The following LACTB2 variants were observed in gnomAD, a reference collection of about 807,000 sequenced individuals.
LACTB2 encodes lactamase beta 2.
LACTB2 carries 32 observed loss-of-function variants against 34.8 expected under a neutral mutation model. That is an observed-to-expected ratio of 0.92 (90% CI 0.69 to 1.24). The LOEUF (loss-of-function observed/expected upper bound fraction) is 1.24. LACTB2 is among the 50% of genes most tolerant of loss of function. The pLI is 0.00. For missense variants in LACTB2, 320 were observed against 345.0 expected (o/e 0.93, Z 0.57); for synonymous variants, 120 against 117.5 (o/e 1.02, Z -0.14).
At chr8:70,664,689 G>GA (rs1389615810) in intron 1 of LACTB2, among the ~76,000 whole-genome samples, 4 of 150,488 alleles carry the variant, frequency 2.7e-5, no homozygotes, top group South Asian at 2.1e-4. Context: ...AGCTTTGAGG[G>GA]AAAAAAAAAG....
chr8:70,669,007 G>A lies in LACTB2; in HGVS notation c.114C>T (p.Thr38=). 3 of 1,590,498 alleles carry A rather than the reference G, an allele frequency of 1.9e-6. No individual in the cohort carries two copies. Among genetic ancestry groups the A allele is most frequent in the South Asian group, 1.1e-5 (1 of 87,876 alleles). ...TGGAGAGGGACGTTTACCTGGGGCCGGTCCCCACTAGGTAGGTGTTGGTGC... is the reference window on the plus strand; with the variant it reads ...TGGAGAGGGACGTTTACCTGGGGCCAGTCCCCACTAGGTAGGTGTTGGTGC... The part of the protein sequence containing the change: ...LQGTNTYLVG[T]GPRRILIDTG... The change falls in exon 1 of 7, where the codon ACC becomes ACT. Residue 38 remains threonine (T), a synonymous_variant. Coordinates refer to ENST00000276590, the MANE Select transcript of LACTB2 (RefSeq NM_016027.3).
intron 3 of LACTB2, among the ~76,000 whole-genome samples, chr8:70,650,735 C>CAAAAAAAAAAAAAAAAAAAAAAAA (rs61025700): frequency 6.5e-5 from 3 of 46,206 alleles, no homozygotes; most frequent in African/African-American, 1.8e-4. Context: ...GACTCCATCT[C>CAAAAAAAAAAAAAAAAAAAAAAAA]AAAAAAAAAA....
chr8:70,637,769 T>C lies in LACTB2; in HGVS notation c.*91A>G. 1 of 695,290 alleles carries C rather than the reference T, an allele frequency of 1.4e-6. No homozygotes were observed. Among genetic ancestry groups the C allele is most frequent in the South Asian group, 2.7e-5 (1 of 37,096 alleles). 43.1% of individuals were successfully genotyped at this position (695,290 alleles called of 1,614,324 possible). A position where few individuals can be genotyped will look rare whatever the true frequency, so the allele number is the denominator to read the frequency against. On this transcript the variant is annotated 3_prime_UTR_variant, in exon 7 of 7. Transcript: ENST00000276590. ...ATCTAGGGTTATTTTTAATGTTTTA[T>C]ACTTTTATATTCTCTATAAAATAAC...
At chr8:70,644,041 TA>T in intron 4 of LACTB2, 23 bp downstream of exon 4, 1 of 1,480,034 alleles carries the variant, frequency 6.8e-7, no homozygotes, top group Non-Finnish European at 9.0e-7. Context: ...CATAAAAATA[TA>T]AAAAAATTTA....
intron 4 of LACTB2, among the ~76,000 whole-genome samples, chr8:70,643,273 G>GAGTACAA (rs539595633): frequency 2.9e-4 from 35 of 118,854 alleles, no homozygotes; most frequent in African/African-American, 1.0e-3. Flanking sequence ...GCCCAGGCTG[G>GAGTACAA]AGTACAATGG....
At chr8:70,664,358 T>C (rs956827733) in intron 1 of LACTB2, among the ~76,000 whole-genome samples, 15 of 152,306 alleles carry the variant, frequency 9.8e-5, no homozygotes, top group African/African-American at 3.4e-4. Context: ...TGATCAAAAG[T>C]CATGACAAAA....
chr8:70,652,032 T>G (rs1014257189), intron 3 of LACTB2: 5 of 152,236 alleles, frequency 3.3e-5, no homozygotes, highest in African/African-American at 1.2e-4. Flanking sequence ...CTTGCTAGTT[T>G]ACATCCAGAA....
In LACTB2 at chr8:70,645,104, A is replaced by G. The variant is rs10453106; in HGVS notation, c.414-861T>C. Among the ~76,000 whole-genome samples, 826 of 151,812 alleles carry G rather than the reference A, an allele frequency of 5.4e-3. 10 individuals are homozygous for G. Among genetic ancestry groups the G allele is most frequent in the African/African-American group, 0.019 (779 of 41,404 alleles). On this transcript the variant is annotated intron_variant, in intron 3 of 6. Transcript: ENST00000276590. Reference sequence around the variant, plus strand: ...TATACACATATATACATATATGTTTATTTATTTTTGAGATATATCAAGGTC... The same window carrying G: ...TATACACATATATACATATATGTTTGTTTATTTTTGAGATATATCAAGGTC...
chr8:70,639,684 C>T (rs373356014), intron 5 of LACTB2, among the ~76,000 whole-genome samples: 4 of 151,196 alleles, frequency 2.6e-5, no homozygotes, highest in Middle Eastern at 3.2e-3. Flanking sequence ...GTTTTTGGGC[C>T]GGGCGCAGTG....
chr8:70,660,042 T>C (rs1196528365), intron 2 of LACTB2: 1 of 152,268 alleles, frequency 6.6e-6, no homozygotes, highest in East Asian at 1.9e-4. Context: ...AACATTTTAA[T>C]TTTTCAAACT....
intron 2 of LACTB2, among the ~76,000 whole-genome samples, chr8:70,658,984 G>A (rs928899430): frequency 9.2e-5 from 14 of 151,802 alleles, no homozygotes; most frequent in Non-Finnish European, 1.9e-4. Context: ...CCAAGATCAC[G>A]CCATTGCATT....
At chr8:70,647,950 T>TA (rs33927946) in intron 3 of LACTB2, among the ~76,000 whole-genome samples, 124,192 of 151,732 alleles carry the variant, frequency 0.82, 51,177 homozygotes, top group Middle Eastern at 0.9. Flanking sequence ...GACAATATAC[T>TA]AAAAAAAAGT....
At chr8:70,650,088 T>A (rs1054364947) in intron 3 of LACTB2, among the ~76,000 whole-genome samples, 1 of 152,112 alleles carries the variant, frequency 6.6e-6, no homozygotes, top group Non-Finnish European at 1.5e-5. Flanking sequence ...CATCAAGGGA[T>A]CCTCCCACCT....
chr8:70,652,654 G>A (rs1818357041), intron 3 of LACTB2: 1 of 152,174 alleles, frequency 6.6e-6, no homozygotes, highest in Non-Finnish European at 1.5e-5. Context: ...CAAGCACAAG[G>A]GAGATTTCTG....
At chr8:70,663,113 T>C (rs1400070037) in intron 1 of LACTB2, 6 of 152,192 alleles carry the variant, frequency 3.9e-5, no homozygotes, top group Non-Finnish European at 5.9e-5. Flanking sequence ...TCAATAACTG[T>C]TTATGGATTA....
rs150435490 is a variant in LACTB2 at position 70,657,697 on chromosome 8, T to C, written c.413+59A>G. 2.2e-3 allele frequency: 3,159 copies of C among 1,463,664 alleles called. 6 individuals carry two copies. The highest frequency in any genetic ancestry group is 2.7e-3 in the Non-Finnish European group (2,942 of 1,098,464). The allele number at this position is 1,463,664 out of a possible 1,614,324, so 90.7% of individuals were successfully genotyped here. Reference sequence around the variant, plus strand: ...CAAAATGCTGGGATCCTTCCATCCTTTTCTATAACACACATACACAGACTC... The same window carrying C: ...CAAAATGCTGGGATCCTTCCATCCTCTTCTATAACACACATACACAGACTC... On this transcript the variant is annotated intron_variant, in intron 3 of 6. Coordinates refer to ENST00000276590, the MANE Select transcript of LACTB2 (RefSeq NM_016027.3).
intron 4 of LACTB2, among the ~76,000 whole-genome samples, chr8:70,643,121 T>C (rs769372808): frequency 6.6e-6 from 1 of 151,558 alleles, no homozygotes; most frequent in Non-Finnish European, 1.5e-5. Context: ...ATAACCCTCA[T>C]ATCTTTATCA....
rs771704805 is a variant in LACTB2 at position 70,644,079 on chromosome 8, T to C, written c.578A>G (p.Asp193Gly). 1.3e-6 allele frequency: 2 copies of C among 1,568,366 alleles called. No homozygotes were observed. The highest frequency in any genetic ancestry group is 1.9e-5 in the Admixed American group (1 of 52,842). The change falls in exon 4 of 7, where the codon GAT becomes GGT. Residue 193 changes from aspartate to glycine, a missense_variant. By Grantham distance (94) the Asp-to-Gly change is moderately conservative (BLOSUM62 -1). Transcript: ENST00000276590. ...AAATTACCCACCTGGATATATAATA[T>C]CAGCTTTGATTTTCAATAACTCTTT... ...SLKELLKIKA[D>G]IIYPGHGPVI... is the part of the protein sequence containing the mutation.
At chr8:70,645,098 A>G (rs1818246551) in intron 3 of LACTB2, among the ~76,000 whole-genome samples, 3 of 151,886 alleles carry the variant, frequency 2.0e-5, no homozygotes, top group African/African-American at 7.3e-5. Context: ...ATATACATAT[A>G]TGTTTATTTA....
Sources: allele counts gnomAD v4.1 joint callset (sites outside exome capture counted in the v4.1 genomes callset), GRCh38; gene constraint gnomAD v4.1.1; transcripts MANE v1.5; gene names NCBI Gene and HGNC (gene_info 2026-07-23, HGNC 2026-07-21).